Variants in MDN1 observed in about 807,000 individuals in gnomAD.
MDN1 encodes the protein midasin.
MDN1 carries 266 observed loss-of-function variants against 669.2 expected under a neutral mutation model. The ratio of observed to expected loss-of-function variants is 0.40; its 90% CI spans 0.36 to 0.44. The LOEUF is 0.44. MDN1 is among the 20% of genes least tolerant of loss of function. MDN1 has a pLI of 1.00. For synonymous variants in MDN1, 2,385 were observed against 2,457.1 expected, an observed-to-expected ratio of 0.97 and a Z score of 0.87; for missense variants, 5,940 against 6,754.0, an observed-to-expected ratio of 0.88 and a Z score of 4.22.
chr6:89,729,391 C>T (rs898945458), intron 35 of MDN1, among the ~76,000 whole-genome samples: 2 of 152,190 alleles, frequency 1.3e-5, no homozygotes, highest in African/African-American at 4.8e-5. Context: ...TATACACATA[C>T]ATGTACATGC....
rs190723403 is a variant in MDN1 at position 89,790,075 on chromosome 6, T to C, written c.1098+84A>G. Reference sequence around the variant, plus strand: ...TTATAAGCAAGACCAATAACTATTGTTATATTCCCTTAGCAAAAGCAATAT... The same window carrying C: ...TTATAAGCAAGACCAATAACTATTGCTATATTCCCTTAGCAAAAGCAATAT... On this transcript the variant is annotated intron_variant, in intron 6 of 101. Coordinates refer to ENST00000369393, the MANE Select transcript of MDN1 (RefSeq NM_014611.3). The C allele has an allele frequency of 4.0e-4, 640 of 1,600,190 alleles. 2 individuals are homozygous for C. The Middle Eastern group carries it at 8.5e-3, about 21-fold the overall frequency.
intron 9 of MDN1, among the ~76,000 whole-genome samples, chr6:89,783,434 T>C (rs1449365880): frequency 6.6e-6 from 1 of 152,138 alleles, no homozygotes; most frequent in Non-Finnish European, 1.5e-5. Context: ...CGGTCTGTTG[T>C]TTAAGATGTT....
intron 93 of MDN1, among the ~76,000 whole-genome samples, chr6:89,653,895 C>T (rs536257432): frequency 8.5e-5 from 13 of 152,170 alleles, no homozygotes; most frequent in Non-Finnish European, 1.9e-4. Context: ...CTGGTTTCTT[C>T]TACATATTTT....
intron 73 of MDN1, among the ~76,000 whole-genome samples, chr6:89,682,355 C>T (rs936074053): frequency 3.9e-5 from 6 of 152,172 alleles, no homozygotes; most frequent in African/African-American, 4.8e-5. Context: ...AGGCCAAGTG[C>T]GATGACTCAT....
chr6:89,673,553 G>T, intron 79 of MDN1, 91 bp from the exon 80 acceptor site: 2 of 1,131,226 alleles, frequency 1.8e-6, no homozygotes, highest in South Asian at 1.4e-5. Context: ...GATATGCAAG[G>T]TAGAACTCAT....
Position 89,688,271 on chromosome 6 carries a change from C to T in MDN1, c.11260-98G>A, listed in dbSNP as rs796676373. ...CCTGACCAGAAGATTCCCCCCAGTT[C>T]TCTACTTTTAAAACACCTCTGAAAA... On this transcript the variant is annotated intron_variant, in intron 66 of 101. Transcript: ENST00000369393. 1.7e-5 allele frequency: 19 copies of T among 1,133,066 alleles called. No individual in the cohort carries two copies. In the African/African-American group the frequency reaches 2.7e-4, roughly 16 times the overall value. The allele number at this position is 1,133,066 out of a possible 1,614,324, so 70.2% of individuals were successfully genotyped here.
chr6:89,667,525 A>G (rs895445667), intron 84 of MDN1, among the ~76,000 whole-genome samples: 1 of 152,218 alleles, frequency 6.6e-6, no homozygotes, highest in African/African-American at 2.4e-5. Flanking sequence ...AATCCAAGCA[A>G]TGTAACAATC....
At chr6:89,729,678 T>TG (rs1338710876) in intron 35 of MDN1, among the ~76,000 whole-genome samples, 1 of 62,610 alleles carries the variant, frequency 1.6e-5, no homozygotes, top group Non-Finnish European at 3.9e-5. Context: ...TTTGTTTTCG[T>TG]TTTTTTTTTT....
rs908695540 is a variant in MDN1 at position 89,745,520 on chromosome 6, G to C, written c.4011C>G (p.Phe1337Leu). Reference sequence around the variant, plus strand: ...GCAATTTTAGAACATTTTCTTTGGAGAAAAGAGATTGAGGACACAATTTTT... The same window carrying C: ...GCAATTTTAGAACATTTTCTTTGGACAAAAGAGATTGAGGACACAATTTTT... ...FKKKLCPQSL[F>L]SKENVLKLLG... Residue 1337 changes from phenylalanine (F) to leucine (L), a missense_variant, in exon 28 of 102, where the codon TTC becomes TTG. By Grantham distance (22) the Phe-to-Leu change is conservative (BLOSUM62 0). Coordinates refer to ENST00000369393, the MANE Select transcript of MDN1 (RefSeq NM_014611.3). 4 of 1,614,002 alleles carry C rather than the reference G, an allele frequency of 2.5e-6. No individual in the cohort carries two copies. The highest frequency in any genetic ancestry group is 1.7e-5 in the Admixed American group (1 of 59,992).
At position 89,743,284 on chromosome 6, in the gene MDN1, T is replaced by A; in HGVS notation, c.4318-4A>T. ...GTCTTGATGTGTCAATTTCTTCCTA[T>A]AATTTGAAAAAGTGGGGAAAATTAA... On this transcript the variant is annotated splice_polypyrimidine_tract_variant and splice_region_variant and intron_variant, in intron 30 of 101. Transcript: ENST00000369393. The A allele has an allele frequency of 6.2e-7, 1 of 1,613,614 alleles. No homozygotes were observed. The highest frequency in any genetic ancestry group is 1.1e-5 in the South Asian group (1 of 90,998).
At position 89,673,347 on chromosome 6, in the gene MDN1, A is replaced by G. The variant is rs1246110788; in HGVS notation, c.13363T>C (p.Ser4455Pro). Residue 4455 changes from serine to proline, a missense_variant, in exon 80 of 102, where the codon TCA (serine) becomes CCA (proline). Physicochemically the swap from Ser to Pro is moderately conservative, Grantham distance 74. This residue lies in a region of MDN1 where 2,280 missense variants were observed against 2,576.3 expected (regional missense o/e 0.88). Coordinates refer to ENST00000369393, the MANE Select transcript of MDN1 (RefSeq NM_014611.3). ...LPGMEVEQRD[S>P]QMALVESLEY... ...AGACTTTCAACTAGTGCCATTTGTG[A>G]GTCTCTTTGCTCAACCTCCATCCCT... is the stretch of plus-strand genomic sequence containing the variant. The G allele has an allele frequency of 6.8e-6, 11 of 1,614,158 alleles. No homozygotes were observed. The highest frequency in any genetic ancestry group is 9.3e-6 in the Non-Finnish European group (11 of 1,180,028).
At position 89,760,446 on chromosome 6, in the gene MDN1, T is replaced by C. The variant is rs184238514; in HGVS notation, c.2460+1199A>G. 2.1e-3 allele frequency among the ~76,000 whole-genome samples: 313 copies of C among 152,238 alleles called. 2 individuals carry two copies. Among genetic ancestry groups the C allele is most frequent in the Non-Finnish European group, 8.8e-4 (60 of 68,022 alleles). ...CTGTCATCAATTGCATCTTTAAAAA[T>C]AGTAATAGATCCAGCAATCTCACTT... On this transcript the variant is annotated intron_variant, in intron 17 of 101. Coordinates refer to ENST00000369393, the MANE Select transcript of MDN1 (RefSeq NM_014611.3).
intron 95 of MDN1, among the ~76,000 whole-genome samples, chr6:89,651,759 A>C (rs557378970): frequency 6.6e-6 from 1 of 152,390 alleles, no homozygotes; most frequent in South Asian, 2.1e-4. Context: ...TAGATATAAA[A>C]GTGAAATGTG....
chr6:89,766,723 T>C (rs1013914341), intron 15 of MDN1, among the ~76,000 whole-genome samples: 2 of 152,174 alleles, frequency 1.3e-5, no homozygotes, highest in African/African-American at 2.4e-5. Context: ...AAAAAGAATA[T>C]AAAATGTACA....
intron 14 of MDN1, among the ~76,000 whole-genome samples, chr6:89,772,175 G>T (rs533012729): frequency 6.6e-6 from 1 of 152,232 alleles, no homozygotes; most frequent in African/African-American, 2.4e-5. Flanking sequence ...TCAGATCTGA[G>T]GTAGGAAGAT....
intron 95 of MDN1, 49 bp from the exon 96 acceptor site, chr6:89,650,896 C>A: frequency 6.6e-7 from 1 of 1,505,440 alleles, no homozygotes; most frequent in Non-Finnish European, 9.2e-7. Context: ...CAGAGCCAAC[C>A]AAGTCTTCTA....
rs1397686058 is a variant in MDN1, at chr6:89,714,753, T to C, written c.6861-2A>G. ...ACAGGATCCATCGAGAGGAAAAGTC[T>C]AGAAAAATAGCAATTCAAAGAAAAA... is the stretch of plus-strand genomic sequence containing the variant. On this transcript the variant is annotated splice_acceptor_variant, in intron 45 of 101. Transcript: ENST00000369393. LOFTEE classifies it high-confidence loss of function. 5 of 1,604,514 alleles carry C rather than the reference T, an allele frequency of 3.1e-6. No individual in the cohort carries two copies. The highest frequency in any genetic ancestry group is 4.3e-6 in the Non-Finnish European group (5 of 1,176,028).
chr6:89,780,194 T>G lies in MDN1; in HGVS notation c.1725+18A>C, dbSNP rs1393075401. On this transcript the variant is annotated intron_variant, in intron 11 of 101. Coordinates refer to ENST00000369393, the MANE Select transcript of MDN1 (RefSeq NM_014611.3). ...CTTACAGAACCAAGACAAAAAAGACTGGAAAACTATATCTTACCTCTTGAA... is the reference window on the plus strand; with the variant it reads ...CTTACAGAACCAAGACAAAAAAGACGGGAAAACTATATCTTACCTCTTGAA... The G allele has an allele frequency of 6.9e-7, 1 of 1,441,692 alleles. No homozygotes were observed. The highest frequency in any genetic ancestry group is 1.5e-5 in the African/African-American group (1 of 68,382). The allele number at this position is 1,441,692 out of a possible 1,614,324, so 89.3% of individuals were successfully genotyped here. A position where few individuals can be genotyped will look rare whatever the true frequency, so the allele number is the denominator to read the frequency against.
At chr6:89,716,473 T>A (rs780660121) in intron 44 of MDN1, among the ~76,000 whole-genome samples, 177 bp downstream of exon 44, 2 of 152,258 alleles carry the variant, frequency 1.3e-5, no homozygotes, top group Admixed American at 6.5e-5. Context: ...TATAACTGTC[T>A]GATGACGAAT....
Sources: gnomAD v4.1 joint callset for allele counts (sites outside exome capture counted in the v4.1 genomes callset) on GRCh38, gnomAD v4.1.1 for gene constraint, gnomAD v4.1.1 regional missense constraint, MANE v1.5 for transcripts, NCBI Gene and HGNC (gene_info 2026-07-23, HGNC 2026-07-21) for gene names.